Variants in GALR1 observed in about 807,000 individuals in gnomAD.
The protein encoded by GALR1 is galanin receptor type 1.
Under a neutral mutation model 17.9 loss-of-function variants are expected in GALR1, and 11 were observed. The ratio of observed to expected loss-of-function variants is 0.62; its 90% CI spans 0.39 to 1.02. The LOEUF is 1.02. GALR1 is among the 50% of genes least tolerant of loss of function. The probability of loss-of-function intolerance (pLI) is 0.01; values close to 1 mark genes in which losing one functional copy is unlikely to be tolerated. For synonymous variants in GALR1, 206 were observed against 205.7 expected, an observed-to-expected ratio of 1.00 and a Z score of -0.01; for missense variants, 441 against 456.9, an observed-to-expected ratio of 0.97 and a Z score of 0.32.
At chr18:77,254,707 A>G (rs1192969463) in intron 1 of GALR1, among the ~76,000 whole-genome samples, 1 of 152,210 alleles carries the variant, frequency 6.6e-6, no homozygotes, top group Non-Finnish European at 1.5e-5. Context: ...TTGCTCCTGC[A>G]GGAAATCCCT....
intron 2 of GALR1, among the ~76,000 whole-genome samples, chr18:77,257,383 G>A (rs937974594): frequency 6.6e-6 from 1 of 152,240 alleles, no homozygotes; most frequent in African/African-American, 2.4e-5. Flanking sequence ...ACAAGACCAT[G>A]CTATGGCTTT....
chr18:77,257,516 T>C (rs1208785229), intron 2 of GALR1, among the ~76,000 whole-genome samples: 1 of 152,240 alleles, frequency 6.6e-6, no homozygotes, highest in Non-Finnish European at 1.5e-5. Flanking sequence ...ACCCTGTAAG[T>C]TGGTGCTTTC....
chr18:77,256,692 C>G (rs904050485), intron 2 of GALR1, among the ~76,000 whole-genome samples: 1 of 152,208 alleles, frequency 6.6e-6, no homozygotes, highest in African/African-American at 2.4e-5. Flanking sequence ...CTGGGCCATT[C>G]TTGCCTCTTT....
In GALR1 at chr18:77,269,050, T is replaced by C. The variant is rs1436639919; in HGVS notation, c.*148T>C. The stretch of plus-strand genomic sequence containing the variant: ...ATTAAATCCCACGTGTGTTAAAAAG[T>C]ACTTTGATCCATTTAGGAAATTCCT... On this transcript the variant is annotated 3_prime_UTR_variant, in exon 3 of 3. Coordinates refer to ENST00000299727, the MANE Select transcript of GALR1 (RefSeq NM_001480.4). 3.1e-6 allele frequency: 2 copies of C among 638,784 alleles called. No individual in the cohort carries two copies. Among genetic ancestry groups the C allele is most frequent in the Non-Finnish European group, 5.4e-6 (2 of 369,500 alleles). The allele number at this position is 638,784 out of a possible 1,614,324, so 39.6% of individuals were successfully genotyped here. A position where few individuals can be genotyped will look rare whatever the true frequency, so the allele number is the denominator to read the frequency against.
chr18:77,256,147 G>A lies in GALR1; in HGVS notation c.667-11G>A. ...TGAGGCGAACTGATTTCAATAGTCT[G>A]TGTCTTTCAGGTCCTTAATCACTTG... On this transcript the variant is annotated splice_polypyrimidine_tract_variant and intron_variant, in intron 1 of 2. Transcript: ENST00000299727. The A allele has an allele frequency of 6.4e-7, 1 of 1,559,872 alleles. No individual in the cohort carries two copies. The highest frequency in any genetic ancestry group is 8.8e-7 in the Non-Finnish European group (1 of 1,131,344).
In GALR1 at chr18:77,268,656, C is replaced by G. The variant is rs995615690; in HGVS notation, c.804C>G (p.Leu268=). 5 of 1,614,126 alleles carry G rather than the reference C, an allele frequency of 3.1e-6. No individual in the cohort carries two copies. The East Asian group carries it at 1.1e-4, about 36-fold the overall frequency. ...ISWLPHHIIH[L]WAEFGVFPLT... ...GGCTGCCGCACCACATCATCCATCT[C>G]TGGGCTGAGTTTGGAGTTTTCCCGC... Residue 268 remains leucine, a synonymous_variant, in exon 3 of 3, where the codon CTC becomes CTG. Coordinates refer to ENST00000299727, the MANE Select transcript of GALR1 (RefSeq NM_001480.4).
chr18:77,266,047 C>T (rs60965956), intron 2 of GALR1, among the ~76,000 whole-genome samples: 12,876 of 152,210 alleles, frequency 0.085, 621 homozygotes, highest in African/African-American at 0.11. Flanking sequence ...TCCAAAAATG[C>T]GTTTTTTTCT....
At position 77,256,229 on chromosome 18, in the gene GALR1, G is replaced by C; in HGVS notation, c.732+6G>C. The C allele has an allele frequency of 6.8e-7, 1 of 1,480,238 alleles. No individual in the cohort carries two copies. Among genetic ancestry groups the C allele is most frequent in the South Asian group, 1.1e-5 (1 of 87,706 alleles). The allele number at this position is 1,480,238 out of a possible 1,614,324, so 91.7% of individuals were successfully genotyped here. A position where few individuals can be genotyped will look rare whatever the true frequency, so the allele number is the denominator to read the frequency against. Reference sequence around the variant, plus strand: ...CTGAAGCATCCAAGAAAAAGGTAATGATCACAAATATATATATATATGTTA... The same window carrying C: ...CTGAAGCATCCAAGAAAAAGGTAATCATCACAAATATATATATATATGTTA... On this transcript the variant is annotated splice_donor_region_variant and intron_variant, in intron 2 of 2. Transcript: ENST00000299727.
At chr18:77,263,520 C>CAGGTG (rs1487693882) in intron 2 of GALR1, among the ~76,000 whole-genome samples, 2 of 152,108 alleles carry the variant, frequency 1.3e-5, no homozygotes, top group East Asian at 3.9e-4. Context: ...ATGGCATGGC[C>CAGGTG]AGGTGGGAAC....
chr18:77,256,236 A>G lies in GALR1; in HGVS notation c.732+13A>G, dbSNP rs1568140409. On this transcript the variant is annotated intron_variant, in intron 2 of 2. Transcript: ENST00000299727. ...ATCCAAGAAAAAGGTAATGATCACAAATATATATATATATGTTACTTTTCA... is the reference window on the plus strand; with the variant it reads ...ATCCAAGAAAAAGGTAATGATCACAGATATATATATATATGTTACTTTTCA... The G allele has an allele frequency of 1.5e-6, 2 of 1,320,050 alleles. No individual in the cohort carries two copies. Among genetic ancestry groups the G allele is most frequent in the Middle Eastern group, 1.8e-4 (1 of 5,414 alleles). 81.8% of individuals were successfully genotyped at this position (1,320,050 alleles called of 1,614,324 possible).
In GALR1 at chr18:77,270,652, A is replaced by AT. The variant is rs1165350201; in HGVS notation, c.*1757dup. On this transcript the variant is annotated 3_prime_UTR_variant, in exon 3 of 3. Coordinates refer to ENST00000299727, the MANE Select transcript of GALR1 (RefSeq NM_001480.4). ...CTTGACATAAGCCTTTGGCATGCTAATTTTTTTAGCTCATTCACTTACTTT... is the reference window on the plus strand; with the variant it reads ...CTTGACATAAGCCTTTGGCATGCTAATTTTTTTTAGCTCATTCACTTACTTT... 4.6e-5 allele frequency: 7 copies of AT among 151,756 alleles called. No individual in the cohort carries two copies. Among genetic ancestry groups the AT allele is most frequent in the Admixed American group, 2.0e-4 (3 of 15,226 alleles). The allele number at this position is 151,756 out of a possible 1,614,324, so 9.4% of individuals were successfully genotyped here.
rs1912583813 is a variant in GALR1, at chr18:77,256,201, AG to A, written c.711del (p.Lys237AsnfsTer41). On this transcript the variant is annotated frameshift_variant, in exon 2 of 3. Coordinates refer to ENST00000299727, the MANE Select transcript of GALR1 (RefSeq NM_001480.4). LOFTEE classifies it high-confidence loss of function. ...AAAAAGTTGAAGAACATGTCAAAGA[AG>A]TCTGAAGCATCCAAGAAAAAGGTAA... ...LHKKLKNMSK[K>X]SEASKKKTAQ... 1 of 1,590,520 alleles carries A rather than the reference AG, an allele frequency of 6.3e-7. No homozygotes were observed. The highest frequency in any genetic ancestry group is 8.6e-7 in the Non-Finnish European group (1 of 1,158,880).
intron 2 of GALR1, among the ~76,000 whole-genome samples, chr18:77,259,893 C>T (rs1912791280): frequency 6.6e-6 from 1 of 151,958 alleles, no homozygotes; most frequent in African/African-American, 2.4e-5. Flanking sequence ...TACATGGCAA[C>T]TTCCCTGAAG....
intron 1 of GALR1, among the ~76,000 whole-genome samples, chr18:77,255,918 G>C (rs1912577681): frequency 6.6e-6 from 1 of 152,210 alleles, no homozygotes; most frequent in African/African-American, 2.4e-5. Flanking sequence ...GCAAACAGGT[G>C]CTATGGCTGT....
chr18:77,252,950 TCAC>T (rs1912485693), intron 1 of GALR1, among the ~76,000 whole-genome samples: 14 of 25,258 alleles, frequency 5.5e-4, no homozygotes, highest in Non-Finnish European at 9.3e-4. Context: ...ACCACCACCA[TCAC>T]CACCATCACC....
At chr18:77,253,007 CCACCACCACCACCACCAT>C (rs1912501588) in intron 1 of GALR1, among the ~76,000 whole-genome samples, 9 of 74,188 alleles carry the variant, frequency 1.2e-4, no homozygotes, top group Middle Eastern at 6.3e-3. Context: ...ACCACCACCA[CCACCACCACCACCACCAT>C]CACCACCATC....
chr18:77,255,720 T>C (rs1297885942), intron 1 of GALR1, among the ~76,000 whole-genome samples: 1 of 152,224 alleles, frequency 6.6e-6, no homozygotes, highest in Non-Finnish European at 1.5e-5. Flanking sequence ...GAAGGGCAAA[T>C]CTCTAGTTTT....
rs2144972687 is a variant in GALR1, at chr18:77,274,080, T to C, written c.*5178T>C. On this transcript the variant is annotated 3_prime_UTR_variant, in exon 3 of 3. Coordinates refer to ENST00000299727, the MANE Select transcript of GALR1 (RefSeq NM_001480.4). ...TACCACAGTACTGTATTTCAAAATATTGGATATTGATTATGAACACTGGAA... is the reference window on the plus strand; with the variant it reads ...TACCACAGTACTGTATTTCAAAATACTGGATATTGATTATGAACACTGGAA... The C allele has an allele frequency of 6.6e-6, 1 of 152,236 alleles. No individual in the cohort carries two copies. The highest frequency in any genetic ancestry group is 2.1e-4 in the South Asian group (1 of 4,810). 9.4% of individuals were successfully genotyped at this position (152,236 alleles called of 1,614,324 possible).
intron 2 of GALR1, among the ~76,000 whole-genome samples, chr18:77,262,524 A>G (rs1912855070): frequency 6.6e-6 from 1 of 152,170 alleles, no homozygotes; most frequent in African/African-American, 2.4e-5. Flanking sequence ...TATTTGCCAC[A>G]TTGTCATTGC....
Sources: allele counts gnomAD v4.1 joint callset (sites outside exome capture counted in the v4.1 genomes callset), GRCh38; gene constraint gnomAD v4.1.1; transcripts MANE v1.5; gene names NCBI Gene and HGNC (gene_info 2026-07-23, HGNC 2026-07-21).